The following SOX5 variants were observed in gnomAD, a reference collection of about 807,000 sequenced individuals.
SOX5 encodes the protein transcription factor SOX-5.
In SOX5, 9 loss-of-function variants were observed where a neutral mutation model predicts 92.0. That is an observed-to-expected ratio of 0.10 (90% CI 0.06 to 0.17). The LOEUF (loss-of-function observed/expected upper bound fraction) is 0.17, where lower values mean the gene tolerates loss of function less well. Among genes scored for constraint, SOX5 ranks in the 10% least tolerant of loss-of-function variants. The pLI is 1.00. For missense variants in SOX5, 642 were observed against 944.5 expected, an observed-to-expected ratio of 0.68 and a Z score of 4.20; for synonymous variants, 344 against 336.3, an observed-to-expected ratio of 1.02 and a Z score of -0.25.
intron 8 of SOX5, among the ~76,000 whole-genome samples, chr12:23,614,789 C>T (rs1234803462): frequency 1.3e-5 from 2 of 151,956 alleles, no homozygotes; most frequent in Non-Finnish European, 1.5e-5. Context: ...ATGAAGATTC[C>T]AGTTTCTCTA....
At chr12:24,274,682 A>AC (rs1293083502) in intron 3 of SOX5, among the ~76,000 whole-genome samples, 1 of 151,672 alleles carries the variant, frequency 6.6e-6, no homozygotes, top group Non-Finnish European at 1.5e-5. Context: ...GAAAAAAAAA[A>AC]AAAGCTTTCA....
At chr12:23,634,514 G>A (rs1224923379) in intron 8 of SOX5, among the ~76,000 whole-genome samples, 10 of 152,066 alleles carry the variant, frequency 6.6e-5, no homozygotes, top group Admixed American at 4.6e-4. Context: ...CTCTAGGAAG[G>A]GAGTATGCCT....
intron 4 of SOX5, among the ~76,000 whole-genome samples, chr12:24,095,152 G>GAGAGAGAGAGAGAGAC (rs879260192): frequency 2.1e-4 from 29 of 137,662 alleles, no homozygotes; most frequent in Middle Eastern, 4.3e-3. Context: ...GAGAGAGAGA[G>GAGAGAGAGAGAGAGAC]AGAGACAGAG....
At chr12:23,767,865 C>A (rs976092092) in intron 3 of SOX5, among the ~76,000 whole-genome samples, 2 of 151,624 alleles carry the variant, frequency 1.3e-5, no homozygotes, top group African/African-American at 4.8e-5. Context: ...AGATACAGAT[C>A]TGTAGATTTA....
intron 2 of SOX5, among the ~76,000 whole-genome samples, chr12:23,849,364 G>A (rs1353309547): frequency 6.6e-6 from 1 of 152,154 alleles, no homozygotes; most frequent in Admixed American, 6.5e-5. Flanking sequence ...ATTAGGCACT[G>A]CGTAAAGTGC....
intron 1 of SOX5, among the ~76,000 whole-genome samples, chr12:23,945,990 C>T (rs542479139): frequency 2.0e-5 from 3 of 152,020 alleles, no homozygotes; most frequent in African/African-American, 4.8e-5. Flanking sequence ...GGGAATTTTA[C>T]GAATTAGTTT....
At chr12:24,497,723 C>A (rs1464944590) in intron 1 of SOX5, among the ~76,000 whole-genome samples, 1 of 152,146 alleles carries the variant, frequency 6.6e-6, no homozygotes, top group Non-Finnish European at 1.5e-5. Context: ...GAATATAAAT[C>A]ATTCTCTTAT....
rs149280883 is a variant in SOX5 at position 23,564,064 on chromosome 12, G to A, written c.1343-661C>T. On this transcript the variant is annotated intron_variant, in intron 10 of 14. Transcript: ENST00000451604. ...ACCTGTAATTGTTTGATAAGAAATT[G>A]TGGCTACTCTTGACTATAGTCACAC... Among the ~76,000 whole-genome samples the A allele has an allele frequency of 3.1e-3, 474 of 152,252 alleles. 5 individuals carry two copies. The highest frequency in any genetic ancestry group is 0.011 in the African/African-American group (446 of 41,542).
intron 1 of SOX5, among the ~76,000 whole-genome samples, chr12:24,443,772 C>T (rs967540484): frequency 3.3e-5 from 5 of 152,212 alleles, no homozygotes; most frequent in African/African-American, 1.2e-4. Flanking sequence ...CAGGTTGAGA[C>T]TTGAGTTTCC....
intron 10 of SOX5, among the ~76,000 whole-genome samples, chr12:23,568,799 C>A (rs890897508): frequency 5.3e-5 from 8 of 151,954 alleles, no homozygotes; most frequent in Non-Finnish European, 8.8e-5. Flanking sequence ...TCTCACTATG[C>A]CTTGGCCTCC....
intron 3 of SOX5, among the ~76,000 whole-genome samples, chr12:24,229,283 G>C (rs1962847746): frequency 6.6e-6 from 1 of 152,206 alleles, no homozygotes; most frequent in Admixed American, 6.5e-5. Context: ...GCCATTTACT[G>C]CTGCACTAAA....
chr12:23,568,943 C>A (rs896089952), intron 10 of SOX5, among the ~76,000 whole-genome samples: 1 of 150,602 alleles, frequency 6.6e-6, no homozygotes, highest in Non-Finnish European at 1.5e-5. Flanking sequence ...AATCCCAGCA[C>A]TTTGGGAGGC....
chr12:23,660,705 A>T lies in SOX5; in HGVS notation c.931+4739T>A, dbSNP rs943678209. On this transcript the variant is annotated intron_variant, in intron 7 of 14. Transcript: ENST00000451604. ...GGTGAAAGACAATAACTTCCAGGTT[A>T]AAAAAAAAAAATCACAGTAATTTTT... Among the ~76,000 whole-genome samples the T allele has an allele frequency of 9.9e-4, 48 of 48,722 alleles. 1 individual carries two copies. The South Asian group carries it at 0.024, about 25-fold the overall frequency. The allele number at this position is 48,722 out of a possible 152,430, so 32.0% of individuals were successfully genotyped here.
chr12:24,132,614 T>C (rs1370889706), intron 4 of SOX5, among the ~76,000 whole-genome samples: 4 of 152,148 alleles, frequency 2.6e-5, no homozygotes, highest in Admixed American at 1.3e-4. Context: ...GAAGCAACTC[T>C]AGGAAACCAA....
intron 3 of SOX5, among the ~76,000 whole-genome samples, chr12:23,769,400 A>G (rs575851700): frequency 8.6e-5 from 13 of 151,938 alleles, no homozygotes; most frequent in Admixed American, 3.9e-4. Context: ...TTTATTTCAC[A>G]CTATTTGAAT....
intron 1 of SOX5, among the ~76,000 whole-genome samples, chr12:24,496,669 C>T (rs1194293352): frequency 4.6e-5 from 7 of 152,192 alleles, no homozygotes; most frequent in African/African-American, 1.7e-4. Flanking sequence ...CAATAAACCA[C>T]ACCCTCAATG....
At chr12:24,439,661 A>T (rs1416356693) in intron 1 of SOX5, among the ~76,000 whole-genome samples, 2 of 152,178 alleles carry the variant, frequency 1.3e-5, no homozygotes, top group Admixed American at 1.3e-4. Flanking sequence ...TTGGGAGGCC[A>T]ACGCGGGTGG....
intron 3 of SOX5, among the ~76,000 whole-genome samples, chr12:23,800,856 A>C (rs918386332): frequency 6.6e-6 from 1 of 152,166 alleles, no homozygotes; most frequent in African/African-American, 2.4e-5. Context: ...TGTCAAATTG[A>C]GACAATCCTA....
At chr12:24,244,127 G>C (rs1053003632) in intron 3 of SOX5, among the ~76,000 whole-genome samples, 2 of 151,840 alleles carry the variant, frequency 1.3e-5, no homozygotes, top group South Asian at 2.1e-4. Context: ...GAAAGAAAAG[G>C]CTGGGGAAGA....
Sources: gnomAD v4.1 joint callset for allele counts (sites outside exome capture counted in the v4.1 genomes callset) on GRCh38, gnomAD v4.1.1 for gene constraint, MANE v1.5 for transcripts, NCBI Gene and HGNC (gene_info 2026-07-23, HGNC 2026-07-21) for gene names.